Variants in DNAH9 observed in about 807,000 individuals in gnomAD.
DNAH9 encodes dynein axonemal heavy chain 9, also known as DNAH9 variant protein.
In DNAH9, 345 loss-of-function variants were observed where a neutral mutation model predicts 471.6. That is an observed-to-expected ratio of 0.73 (90% CI 0.67 to 0.80). The LOEUF (loss-of-function observed/expected upper bound fraction) is 0.80. Among genes scored for constraint, DNAH9 ranks in the 30% least tolerant of loss-of-function variants. The probability of loss-of-function intolerance (pLI) is 0.00; values close to 1 mark genes in which losing one functional copy is unlikely to be tolerated. For synonymous variants in DNAH9, 2,093 were observed against 2,123.6 expected (o/e 0.99, Z 0.40); for missense variants, 5,407 against 5,609.2 (o/e 0.96, Z 1.15).
At chr17:11,663,303 C>T (rs1202418023) in intron 14 of DNAH9, among the ~76,000 whole-genome samples, 2 of 152,344 alleles carry the variant, frequency 1.3e-5, no homozygotes, top group South Asian at 2.1e-4. Flanking sequence ...CAGTCAGACT[C>T]AAGAGGAGCC....
At chr17:11,945,038 C>G (rs116722550) in intron 67 of DNAH9, among the ~76,000 whole-genome samples, 1 of 152,084 alleles carries the variant, frequency 6.6e-6, no homozygotes, top group Admixed American at 6.6e-5. Context: ...AGGAGGGGTT[C>G]GCAGAGTGGT....
chr17:11,890,550 A>T (rs576920970), intron 57 of DNAH9, among the ~76,000 whole-genome samples: 7 of 152,230 alleles, frequency 4.6e-5, no homozygotes, highest in Non-Finnish European at 8.8e-5. Flanking sequence ...AGAAAGACTT[A>T]AGATTTTTTT....
chr17:11,627,931 C>CT (rs1206074766), intron 6 of DNAH9, among the ~76,000 whole-genome samples: 5 of 152,190 alleles, frequency 3.3e-5, no homozygotes, highest in African/African-American at 1.2e-4. Context: ...GCCAGGCAGC[C>CT]TGTGCCAGCC....
At position 11,712,483 on chromosome 17, in the gene DNAH9, C is replaced by T. The variant is rs538735346; in HGVS notation, c.5553-6851C>T. On this transcript the variant is annotated intron_variant, in intron 26 of 68. Transcript: ENST00000262442. ...TATGGTACTTTTATGTTTAACTTCT[C>T]GAGAAACTGATAAGCTGTTTTCTAA... is the stretch of plus-strand genomic sequence containing the variant. 9.9e-5 allele frequency among the ~76,000 whole-genome samples: 15 copies of T among 152,052 alleles called. No homozygotes were observed. In the East Asian group the frequency reaches 1.9e-3, roughly 20 times the overall value.
intron 43 of DNAH9, among the ~76,000 whole-genome samples, chr17:11,799,542 C>T (rs1440098249): frequency 6.6e-6 from 1 of 151,884 alleles, no homozygotes; most frequent in Non-Finnish European, 1.5e-5. Context: ...ACTTTCTTGT[C>T]ATTGTATCCA....
intron 67 of DNAH9, among the ~76,000 whole-genome samples, chr17:11,948,266 G>C (rs1416640651): frequency 8.8e-6 from 1 of 113,892 alleles, no homozygotes; most frequent in Non-Finnish European, 1.6e-5. Flanking sequence ...GTCTCACTCT[G>C]TTGCCAGGCT....
At chr17:11,950,606 C>T (rs1035866404) in intron 67 of DNAH9, among the ~76,000 whole-genome samples, 7 of 152,124 alleles carry the variant, frequency 4.6e-5, no homozygotes, top group African/African-American at 9.7e-5. Flanking sequence ...TGGTGTGAAA[C>T]GATCCTCCCG....
At chr17:11,874,673 A>G (rs766718757) in intron 52 of DNAH9, among the ~76,000 whole-genome samples, 2 of 152,170 alleles carry the variant, frequency 1.3e-5, no homozygotes, top group Non-Finnish European at 2.9e-5. Context: ...ATAATATAGT[A>G]GAAACTTGAC....
At chr17:11,805,859 G>T (rs1969659296) in intron 43 of DNAH9, among the ~76,000 whole-genome samples, 1 of 151,802 alleles carries the variant, frequency 6.6e-6, no homozygotes, top group African/African-American at 2.4e-5. Flanking sequence ...GGGCTCCAAA[G>T]AACTTTTTAT....
chr17:11,754,291 C>T (rs1016495784), intron 33 of DNAH9, among the ~76,000 whole-genome samples: 9 of 152,154 alleles, frequency 5.9e-5, no homozygotes, highest in Admixed American at 3.9e-4. Context: ...TAAACATTTG[C>T]GTTCATATGT....
chr17:11,632,204 C>G (rs754815110), intron 7 of DNAH9, among the ~76,000 whole-genome samples: 4 of 152,252 alleles, frequency 2.6e-5, no homozygotes, highest in African/African-American at 9.6e-5. Flanking sequence ...GGGGAAGGAA[C>G]GAAAGTGGGT....
chr17:11,832,433 G>A (rs971750283), intron 48 of DNAH9, among the ~76,000 whole-genome samples: 8 of 152,146 alleles, frequency 5.3e-5, no homozygotes, highest in East Asian at 1.9e-4. Context: ...TGATTATGCC[G>A]CTCAATCATT....
intron 49 of DNAH9, among the ~76,000 whole-genome samples, chr17:11,852,814 GTATA>G (rs58555259): frequency 0.067 from 6,168 of 92,094 alleles, 650 homozygotes; most frequent in East Asian, 0.095. Flanking sequence ...GTGTGTGTGT[GTATA>G]TATATATATA....
At position 11,704,242 on chromosome 17, in the gene DNAH9, G is replaced by T. The variant is rs766415359; in HGVS notation, c.5191G>T (p.Val1731Leu). ...TCTQIWWTTE[V>L]GMAFARLEEG... ...TACTCAGATCTGGTGGACAACAGAA[G>T]TGGGCATGGCATTTGCCAGGCTGGA... Residue 1731 changes from valine (V) to leucine (L), a missense_variant, in exon 25 of 69, where the codon GTG becomes TTG. This residue lies in a region of DNAH9 where 4,636 missense variants were observed against 4,900.3 expected (regional missense o/e 0.95). Coordinates refer to ENST00000262442, the MANE Select transcript of DNAH9 (RefSeq NM_001372.4). 2 of 1,614,036 alleles carry T rather than the reference G, an allele frequency of 1.2e-6. No individual in the cohort carries two copies. Among genetic ancestry groups the T allele is most frequent in the Non-Finnish European group, 1.7e-6 (2 of 1,179,990 alleles).
intron 4 of DNAH9, among the ~76,000 whole-genome samples, chr17:11,616,677 C>G (rs1597392880): frequency 6.6e-6 from 1 of 152,144 alleles, no homozygotes; most frequent in East Asian, 1.9e-4. Context: ...TCTCTATGCT[C>G]TGTGACTTTT....
intron 1 of DNAH9, among the ~76,000 whole-genome samples, chr17:11,606,448 C>CTTTTTTTTT (rs1156988834): frequency 1.6e-4 from 16 of 97,038 alleles, no homozygotes; most frequent in African/African-American, 7.0e-4. Context: ...CTTTTCTTTT[C>CTTTTTTTTT]TTTTCTTTTT....
intron 7 of DNAH9, among the ~76,000 whole-genome samples, chr17:11,631,655 G>T (rs982782250): frequency 9.6e-5 from 13 of 134,864 alleles, no homozygotes; most frequent in African/African-American, 3.5e-4. Context: ...AAAAAAAAAA[G>T]CAGACCACAA....
intron 26 of DNAH9, among the ~76,000 whole-genome samples, chr17:11,711,852 A>G: frequency 7.3e-6 from 1 of 136,442 alleles, no homozygotes; most frequent in South Asian, 2.2e-4. Context: ...GCTATAGAAG[A>G]TTTTGTTTTT....
intron 49 of DNAH9, among the ~76,000 whole-genome samples, chr17:11,843,857 G>GTATATATATA (rs1341485444): frequency 7.3e-3 from 68 of 9,278 alleles, no homozygotes; most frequent in South Asian, 0.025. Context: ...GTGTGTGTGT[G>GTATATATATA]TGTGTGTATA....
Sources: allele counts gnomAD v4.1 joint callset (sites outside exome capture counted in the v4.1 genomes callset), GRCh38; gene constraint gnomAD v4.1.1; regional missense constraint gnomAD v4.1.1; transcripts MANE v1.5; gene names NCBI Gene and HGNC (gene_info 2026-07-23, HGNC 2026-07-21).